NODAL: variants seen among roughly 807,000 people sequenced by gnomAD.
NODAL encodes the protein nodal growth differentiation factor, also known as nodal homolog.
Under a neutral mutation model 34.0 loss-of-function variants are expected in NODAL, and 12 were observed. The ratio of observed to expected loss-of-function variants is 0.35; its 90% CI spans 0.23 to 0.57. The LOEUF (loss-of-function observed/expected upper bound fraction) is 0.57. Ranked by LOEUF, NODAL falls within the 20% of genes least tolerant of loss-of-function variation. The probability of loss-of-function intolerance (pLI) is 0.83; values close to 1 mark genes in which losing one functional copy is unlikely to be tolerated. For missense variants in NODAL, 390 were observed against 444.2 expected (o/e 0.88, Z 1.10); for synonymous variants, 162 against 186.4 (o/e 0.87, Z 1.07).
At chr10:70,436,094 T>G in intron 1 of NODAL, 111 bp from the exon 2 acceptor site, 2 of 865,116 alleles carry the variant, frequency 2.3e-6, no homozygotes, top group Non-Finnish European at 3.8e-6. Context: ...TATATAGAAT[T>G]ACCTTCGAAT....
rs778079060 is a variant in NODAL at position 70,432,603 on chromosome 10, A to T, written c.*333T>A. 5.3e-6 allele frequency: 2 copies of T among 379,248 alleles called. No homozygotes were observed. The highest frequency in any genetic ancestry group is 1.0e-5 in the Non-Finnish European group (2 of 198,012). 23.5% of individuals were successfully genotyped at this position (379,248 alleles called of 1,614,324 possible). A position where few individuals can be genotyped will look rare whatever the true frequency, so the allele number is the denominator to read the frequency against. On this transcript the variant is annotated 3_prime_UTR_variant, in exon 3 of 3. Coordinates refer to ENST00000287139, the MANE Select transcript of NODAL (RefSeq NM_018055.5). The stretch of plus-strand genomic sequence containing the variant: ...CACATATGTCTCAACTTTCACATAC[A>T]GTTTCGGGGGGTTCACAGGTTTTTA...
chr10:70,435,943 G>A lies in NODAL; in HGVS notation c.234C>T (p.Asp78=). 1.2e-6 allele frequency: 2 copies of A among 1,614,186 alleles called. No individual in the cohort carries two copies. The highest frequency in any genetic ancestry group is 1.7e-6 in the Non-Finnish European group (2 of 1,180,036). The part of the protein sequence containing the change: ...VDGQNWTFAF[D]FSFLSQQEDL... ...CCTCTTGTTGGCTCAGGAAGGAGAA[G>A]TCAAAAGCAAACGTCCAGTTCTGCC... Residue 78 remains aspartate, a synonymous_variant, in exon 2 of 3, where the codon GAC becomes GAT. Coordinates refer to ENST00000287139, the MANE Select transcript of NODAL (RefSeq NM_018055.5).
At chr10:70,440,339 C>G (rs895411658) in intron 1 of NODAL, among the ~76,000 whole-genome samples, 1 of 152,168 alleles carries the variant, frequency 6.6e-6, no homozygotes, top group Non-Finnish European at 1.5e-5. Flanking sequence ...GGGCCGAGCA[C>G]TCCAGCAAAT....
At chr10:70,440,588 C>G (rs1455183554) in intron 1 of NODAL, among the ~76,000 whole-genome samples, 2 of 152,136 alleles carry the variant, frequency 1.3e-5, no homozygotes, top group African/African-American at 4.8e-5. Flanking sequence ...GCCGCGGCTG[C>G]CCAGGCGGCA....
chr10:70,446,513 T>G (rs1845487560), upstream of NODAL, among the ~76,000 whole-genome samples: 1 of 152,124 alleles, frequency 6.6e-6, no homozygotes, highest in Non-Finnish European at 1.5e-5. Flanking sequence ...GTAAAGTGTA[T>G]AGTGCACGTA....
rs751847569 is a variant in NODAL at position 70,435,470 on chromosome 10, C to T, written c.707G>A (p.Arg236His). ...QLSWEWGKRH[R>H]RHHLPDRSQL... ...ACTTCTGTCTGGCAAGTGATGTCGA[C>T]GGTGCCTCTTGCCCCACTCCCAGGA... The change falls in exon 2 of 3, where the codon CGT becomes CAT. Residue 236 changes from arginine to histidine, a missense_variant. Transcript: ENST00000287139. 29 of 1,614,078 alleles carry T rather than the reference C, an allele frequency of 1.8e-5. No homozygotes were observed. The highest frequency in any genetic ancestry group is 2.4e-5 in the Non-Finnish European group (28 of 1,180,048).
At chr10:70,436,429 T>C in intron 1 of NODAL, 1 of 254,256 alleles carries the variant, frequency 3.9e-6, no homozygotes, top group Non-Finnish European at 7.8e-6. Flanking sequence ...CAAAATTAGC[T>C]GGGCGTGGTG....
At chr10:70,437,222 C>T (rs1845367894) in intron 1 of NODAL, among the ~76,000 whole-genome samples, 1 of 152,086 alleles carries the variant, frequency 6.6e-6, no homozygotes, top group South Asian at 2.1e-4. Flanking sequence ...GCGGGTGGAT[C>T]ACCTGAGGTC....
chr10:70,441,630 C>T lies in NODAL; in HGVS notation c.38G>A (p.Trp13Ter). ...AHCLPFLLHA[W>*]WALLQAGAAT... ...AGCACCCGCCTGGAGTAGGGCCCAC[C>T]AGGCGTGCAGAAGGAAGGGCAGGCA... is the stretch of plus-strand genomic sequence containing the variant. Residue 13 changes from tryptophan (W) to a stop codon, truncating the protein, a stop_gained, in exon 1 of 3, where the codon TGG becomes TAG. Transcript: ENST00000287139. LOFTEE classifies it high-confidence loss of function. 2 of 1,551,900 alleles carry T rather than the reference C, an allele frequency of 1.3e-6. No individual in the cohort carries two copies. Among genetic ancestry groups the T allele is most frequent in the Non-Finnish European group, 1.7e-6 (2 of 1,148,368 alleles).
chr10:70,436,128 G>A (rs1355818658), intron 1 of NODAL, 145 bp from the exon 2 acceptor site: 7 of 740,118 alleles, frequency 9.5e-6, no homozygotes, highest in East Asian at 5.4e-5. Flanking sequence ...CTATGAGTTG[G>A]TAAGATTTTC....
Position 70,435,469 on chromosome 10 carries a change from A to T in NODAL, c.708T>A (p.Arg236=). ...GACTTCTGTCTGGCAAGTGATGTCG[A>T]CGGTGCCTCTTGCCCCACTCCCAGG... ...QLSWEWGKRH[R]RHHLPDRSQL... The change falls in exon 2 of 3, where the codon CGT becomes CGA. Residue 236 remains arginine, a synonymous_variant. Transcript: ENST00000287139. 6.2e-7 allele frequency: 1 copy of T among 1,614,184 alleles called. No individual in the cohort carries two copies.
At chr10:70,438,893 C>G (rs1845389729) in intron 1 of NODAL, among the ~76,000 whole-genome samples, 1 of 152,200 alleles carries the variant, frequency 6.6e-6, no homozygotes, top group Admixed American at 6.5e-5. Context: ...CCAAATACAA[C>G]AAATGTGATT....
chr10:70,440,996 C>A (rs1246376892), intron 1 of NODAL, among the ~76,000 whole-genome samples: 1 of 152,250 alleles, frequency 6.6e-6, no homozygotes, highest in Non-Finnish European at 1.5e-5. Flanking sequence ...CGACCGTTGA[C>A]TGTGGCTGTG....
chr10:70,436,010 G>A (rs1360559008), intron 1 of NODAL, 27 bp from the exon 2 acceptor site: 1 of 1,606,298 alleles, frequency 6.2e-7, no homozygotes, highest in South Asian at 1.1e-5. Context: ...CAAGAAGGAA[G>A]GAGGGTGAGT....
Position 70,435,774 on chromosome 10 carries a change from C to G in NODAL, c.403G>C (p.Asp135His). 6.2e-7 allele frequency: 1 copy of G among 1,614,160 alleles called. No homozygotes were observed. The highest frequency in any genetic ancestry group is 8.5e-7 in the Non-Finnish European group (1 of 1,180,042). ...SDSCLERFQMDLFTVTLSQVT... is the reference protein window; with the variant it reads ...SDSCLERFQMHLFTVTLSQVT... ...TGGGACAAAGTGACAGTGAATAGGTCCATCTGAAACCGCTCTAAGCAGCTG... is the reference window on the plus strand; with the variant it reads ...TGGGACAAAGTGACAGTGAATAGGTGCATCTGAAACCGCTCTAAGCAGCTG... Residue 135 changes from aspartate (D) to histidine (H), a missense_variant, in exon 2 of 3, where the codon GAC becomes CAC. Transcript: ENST00000287139.
chr10:70,443,860 C>T (rs1295390306), upstream of NODAL, among the ~76,000 whole-genome samples: 1 of 151,548 alleles, frequency 6.6e-6, no homozygotes, highest in African/African-American at 2.4e-5. Context: ...AAAAAAAATT[C>T]AGTGAATGGC....
At chr10:70,437,065 A>C (rs1280175297) in intron 1 of NODAL, among the ~76,000 whole-genome samples, 1 of 152,192 alleles carries the variant, frequency 6.6e-6, no homozygotes, top group Non-Finnish European at 1.5e-5. Context: ...GACAAGGAGT[A>C]GGGGAGCACA....
chr10:70,443,358 C>A (rs1319083895), upstream of NODAL, among the ~76,000 whole-genome samples: 1 of 152,080 alleles, frequency 6.6e-6, no homozygotes, highest in Non-Finnish European at 1.5e-5. Context: ...ACAGTATATA[C>A]CATCATCATC....
At chr10:70,443,917 TAAAC>T (rs890323680), upstream of NODAL, among the ~76,000 whole-genome samples, 1 of 151,226 alleles carries the variant, frequency 6.6e-6, no homozygotes, top group Admixed American at 6.6e-5. Context: ...TGGTGTTTGT[TAAAC>T]TGTTGACTCC....
Sources: gnomAD v4.1 joint callset for allele counts (sites outside exome capture counted in the v4.1 genomes callset) on GRCh38, gnomAD v4.1.1 for gene constraint, MANE v1.5 for transcripts, NCBI Gene and HGNC (gene_info 2026-07-23, HGNC 2026-07-21) for gene names.